ATP2B4: variants seen among roughly 807,000 people sequenced by gnomAD.
ATP2B4 encodes the protein plasma membrane calcium-transporting ATPase 4.
Under a neutral mutation model 110.3 loss-of-function variants are expected in ATP2B4, and 39 were observed. The observed-to-expected ratio is 0.35, with a 90% CI of 0.27 to 0.46. The LOEUF (loss-of-function observed/expected upper bound fraction) is 0.46, where lower values mean the gene tolerates loss of function less well. ATP2B4 is among the 20% of genes least tolerant of loss of function. The pLI is 1.00. For missense variants in ATP2B4, 1,135 were observed against 1,530.9 expected (o/e 0.74, Z 4.32); for synonymous variants, 538 against 571.7 (o/e 0.94, Z 0.84).
intron 1 of ATP2B4, among the ~76,000 whole-genome samples, chr1:203,650,280 T>C (rs1319394440): frequency 6.6e-6 from 1 of 152,146 alleles, no homozygotes; most frequent in African/African-American, 2.4e-5. Context: ...CCACAGGGTT[T>C]GGTTTCAGGG....
At chr1:203,676,487 C>T (rs1447611052) in intron 1 of ATP2B4, among the ~76,000 whole-genome samples, 3 of 152,158 alleles carry the variant, frequency 2.0e-5, no homozygotes, top group Non-Finnish European at 4.4e-5. Flanking sequence ...ATGTTTTAGG[C>T]TAGGCAGCCT....
At position 203,729,651 on chromosome 1, in the gene ATP2B4, G is replaced by A. The variant is rs571414702; in HGVS notation, c.3309+2080G>A. The A allele has an allele frequency of 3.9e-5, 43 of 1,110,728 alleles. 1 individual carries two copies. The highest frequency in any genetic ancestry group is 2.3e-4 in the South Asian group (19 of 82,204). The allele number at this position is 1,110,728 out of a possible 1,614,324, so 68.8% of individuals were successfully genotyped here. A position where few individuals can be genotyped will look rare whatever the true frequency, so the allele number is the denominator to read the frequency against. On this transcript the variant is annotated intron_variant, in intron 20 of 20. Transcript: ENST00000357681. ...TCTGTCTGCCAGAGAAACATTCCAG[G>A]GTGCTGTGGCTGCCTCACCTATCCA...
At chr1:203,688,610 A>G (rs976945200) in intron 2 of ATP2B4, among the ~76,000 whole-genome samples, 3 of 152,096 alleles carry the variant, frequency 2.0e-5, no homozygotes, top group African/African-American at 4.8e-5. Flanking sequence ...CCTCAGCCCA[A>G]TGTTTTGATA....
rs1441371511 is a variant in ATP2B4, at chr1:203,629,542, C to T, written c.-465+2323C>T. 2.0e-5 allele frequency among the ~76,000 whole-genome samples: 3 copies of T among 152,268 alleles called. No individual in the cohort carries two copies. Among genetic ancestry groups the T allele is most frequent in the Admixed American group, 6.5e-5 (1 of 15,302 alleles). On this transcript the variant is annotated intron_variant, in intron 1 of 20. Transcript: ENST00000357681. This position sits in a 1 kb window ranked among gnomAD's most constrained non-coding sequence, Gnocchi z 4.6. ...GGGTCGCGGCCAAAGGGGTAATCGGCTCCCGCAGTCTCAGCCCTTCCCCCG... is the reference window on the plus strand; with the variant it reads ...GGGTCGCGGCCAAAGGGGTAATCGGTTCCCGCAGTCTCAGCCCTTCCCCCG...
At chr1:203,654,712 G>C (rs1048274310) in intron 1 of ATP2B4, among the ~76,000 whole-genome samples, 1 of 151,810 alleles carries the variant, frequency 6.6e-6, no homozygotes, top group Non-Finnish European at 1.5e-5. Context: ...AACACAGGGG[G>C]ACCCTGTCTA....
chr1:203,637,999 G>C (rs1663508956), intron 1 of ATP2B4, among the ~76,000 whole-genome samples: 1 of 152,208 alleles, frequency 6.6e-6, no homozygotes, highest in South Asian at 2.1e-4. Context: ...GGATGGCTGG[G>C]GGCTGAAGGG....
intron 20 of ATP2B4, among the ~76,000 whole-genome samples, chr1:203,730,043 G>A (rs935342586): frequency 6.6e-6 from 1 of 152,108 alleles, no homozygotes; most frequent in Non-Finnish European, 1.5e-5. Context: ...TGGCAGAAAA[G>A]CTTGAAGGTC....
chr1:203,738,101 C>T (rs960849634), intron 20 of ATP2B4, among the ~76,000 whole-genome samples: 2 of 152,082 alleles, frequency 1.3e-5, no homozygotes, highest in African/African-American at 2.4e-5. Context: ...ACCCTACCCC[C>T]ACCTTCATCA....
chr1:203,687,962 C>T (rs927086491), intron 2 of ATP2B4, among the ~76,000 whole-genome samples: 2 of 151,194 alleles, frequency 1.3e-5, no homozygotes, highest in Non-Finnish European at 2.9e-5. Context: ...GTCATTTAAA[C>T]CCTTTAGCCT....
intron 14 of ATP2B4, 94 bp from the exon 15 acceptor site, chr1:203,714,077 A>G: frequency 8.2e-7 from 1 of 1,217,492 alleles, no homozygotes. Context: ...GGGAAAAGGG[A>G]AGGAAAGAAG....
chr1:203,706,859 C>T (rs1665863104), intron 8 of ATP2B4, 150 bp from the exon 9 acceptor site: 1 of 661,894 alleles, frequency 1.5e-6, no homozygotes, highest in Non-Finnish European at 2.6e-6. Flanking sequence ...GTACAAGCAA[C>T]AGAGAATGGG....
chr1:203,647,472 AC>A (rs1444429703), intron 1 of ATP2B4, among the ~76,000 whole-genome samples: 1 of 151,862 alleles, frequency 6.6e-6, no homozygotes, highest in Non-Finnish European at 1.5e-5. Flanking sequence ...AACAAAAAAA[AC>A]AAACGGCTGG....
At chr1:203,700,393 C>T (rs1665656430) in intron 5 of ATP2B4, 62 bp downstream of exon 5, 16 of 1,558,556 alleles carry the variant, frequency 1.0e-5, no homozygotes, top group Non-Finnish European at 1.4e-5. Context: ...GCCACAGGAT[C>T]CAGACCCTGT....
intron 8 of ATP2B4, among the ~76,000 whole-genome samples, chr1:203,706,477 C>T (rs887816288): frequency 6.6e-6 from 1 of 152,312 alleles, no homozygotes; most frequent in South Asian, 2.1e-4. Context: ...TCTTGGGAAG[C>T]ACTGTTCTAA....
chr1:203,627,823 T>C (rs924753118), intron 1 of ATP2B4, among the ~76,000 whole-genome samples: 4 of 152,100 alleles, frequency 2.6e-5, no homozygotes, highest in African/African-American at 9.7e-5. Context: ...GAATTAAATT[T>C]CTTTAGCTTT....
chr1:203,733,665 A>C, intron 20 of ATP2B4: 1 of 395,220 alleles, frequency 2.5e-6, no homozygotes, highest in Non-Finnish European at 4.5e-6. Context: ...TGCATTGCTC[A>C]TTTCTTCCTT....
intron 20 of ATP2B4, among the ~76,000 whole-genome samples, chr1:203,731,169 G>A (rs1666697831): frequency 6.6e-6 from 1 of 152,138 alleles, no homozygotes; most frequent in South Asian, 2.1e-4. Flanking sequence ...TCCTCCTGCA[G>A]GTTCAAGCTC....
chr1:203,693,961 A>G (rs1665460048), intron 2 of ATP2B4, among the ~76,000 whole-genome samples: 1 of 152,112 alleles, frequency 6.6e-6, no homozygotes, highest in Admixed American at 6.5e-5. Flanking sequence ...CTCTGTATCT[A>G]GGTTGGCATC....
chr1:203,686,158 G>A lies in ATP2B4; in HGVS notation c.193+2760G>A, dbSNP rs116282209. 2.2e-3 allele frequency among the ~76,000 whole-genome samples: 331 copies of A among 152,204 alleles called. 2 individuals are homozygous for A. Among genetic ancestry groups the A allele is most frequent in the African/African-American group, 7.7e-3 (318 of 41,556 alleles). The stretch of plus-strand genomic sequence containing the variant: ...TCTTTATTCAGTCACTTTTACAGCC[G>A]TACTGACTGCTGAGGGTCTGTTCTT... On this transcript the variant is annotated intron_variant, in intron 2 of 20. Transcript: ENST00000357681.
Sources: allele counts gnomAD v4.1 joint callset (sites outside exome capture counted in the v4.1 genomes callset), GRCh38; gene constraint gnomAD v4.1.1; non-coding constraint Gnocchi (gnomAD v3.1); transcripts MANE v1.5; gene names NCBI Gene and HGNC (gene_info 2026-07-23, HGNC 2026-07-21).